Variants in CSMD1 observed in about 807,000 individuals in gnomAD.
CSMD1 encodes the protein CUB and Sushi multiple domains 1.
In CSMD1, 213 loss-of-function variants were observed where a neutral mutation model predicts 417.5. The observed-to-expected ratio is 0.51, with a 90% CI of 0.46 to 0.57. The LOEUF is 0.57. Among genes scored for constraint, CSMD1 ranks in the 20% least tolerant of loss-of-function variants. CSMD1 has a pLI of 0.00. For synonymous variants in CSMD1, 2,862 were observed against 1,736.8 expected (o/e 1.65, Z -16.11); for missense variants, 6,923 against 4,529.7 (o/e 1.53, Z -15.17).
intron 26 of CSMD1, among the ~76,000 whole-genome samples, chr8:3,259,768 C>A (rs1229627044): frequency 6.6e-6 from 1 of 152,122 alleles, no homozygotes; most frequent in Non-Finnish European, 1.5e-5. Context: ...AGTTGGCAAA[C>A]TGTATACTGG....
intron 3 of CSMD1, among the ~76,000 whole-genome samples, chr8:4,077,297 G>GTGTATA (rs1313094441): frequency 2.3e-4 from 28 of 121,278 alleles, no homozygotes; most frequent in Admixed American, 1.9e-3. Context: ...ATATATATGT[G>GTGTATA]TATATATATA....
At chr8:4,439,790 T>A (rs1294056142) in intron 2 of CSMD1, among the ~76,000 whole-genome samples, 1 of 152,164 alleles carries the variant, frequency 6.6e-6, no homozygotes, top group Non-Finnish European at 1.5e-5. Context: ...AAATAGTGAC[T>A]TTGAGAAGAG....
chr8:4,303,501 A>G (rs1481106067), intron 3 of CSMD1, among the ~76,000 whole-genome samples: 1 of 124,068 alleles, frequency 8.1e-6, no homozygotes, highest in Non-Finnish European at 1.6e-5. Flanking sequence ...TCTCCTTACC[A>G]TCTCTAGCAC....
intron 25 of CSMD1, among the ~76,000 whole-genome samples, chr8:3,307,074 G>T (rs1215671334): frequency 6.6e-6 from 1 of 152,084 alleles, no homozygotes; most frequent in Non-Finnish European, 1.5e-5. Flanking sequence ...CTGCACACAA[G>T]TCTTTTTAAA....
chr8:4,023,765 T>G (rs1257956555), intron 4 of CSMD1, among the ~76,000 whole-genome samples: 1 of 110,802 alleles, frequency 9.0e-6, no homozygotes, highest in Non-Finnish European at 1.9e-5. Context: ...TTTTTTTTTT[T>G]TTTTTTTTTT....
At chr8:4,525,274 A>C (rs1796456785) in intron 2 of CSMD1, among the ~76,000 whole-genome samples, 1 of 152,168 alleles carries the variant, frequency 6.6e-6, no homozygotes, top group Non-Finnish European at 1.5e-5. Context: ...AGGAAAGACA[A>C]CACTCTGTAG....
At chr8:4,160,391 A>G (rs1340084017) in intron 3 of CSMD1, among the ~76,000 whole-genome samples, 2 of 152,202 alleles carry the variant, frequency 1.3e-5, no homozygotes, top group Non-Finnish European at 2.9e-5. Context: ...TGTTATGTTG[A>G]CATATATATA....
intron 2 of CSMD1, among the ~76,000 whole-genome samples, chr8:4,444,866 C>A (rs1204832591): frequency 6.6e-6 from 1 of 152,214 alleles, no homozygotes; most frequent in Admixed American, 6.5e-5. Flanking sequence ...ACTCCTGCTG[C>A]AGCCAAGGTA....
At chr8:4,002,146 C>T (rs753586489) in intron 4 of CSMD1, among the ~76,000 whole-genome samples, 5 of 152,012 alleles carry the variant, frequency 3.3e-5, no homozygotes, top group Non-Finnish European at 5.9e-5. Context: ...GGATAAAATG[C>T]TTAAATCACA....
At chr8:4,126,634 C>G (rs17069054) in intron 3 of CSMD1, among the ~76,000 whole-genome samples, 6,497 of 152,178 alleles carry the variant, frequency 0.043, 462 homozygotes, top group African/African-American at 0.15. Context: ...TTGAGGCTTT[C>G]TGTATTTGGT....
chr8:3,378,921 A>C (rs1018677199), intron 18 of CSMD1, among the ~76,000 whole-genome samples: 15 of 152,342 alleles, frequency 9.8e-5, no homozygotes, highest in Non-Finnish European at 1.9e-4. Context: ...AGAAAGAAAG[A>C]AAACGCATTC....
At chr8:4,399,002 T>C (rs1229782609) in intron 3 of CSMD1, among the ~76,000 whole-genome samples, 1 of 152,232 alleles carries the variant, frequency 6.6e-6, no homozygotes, top group Non-Finnish European at 1.5e-5. Flanking sequence ...ACTGAGCACC[T>C]AATATGTACA....
intron 17 of CSMD1, among the ~76,000 whole-genome samples, chr8:3,395,049 G>A (rs887420162): frequency 6.6e-6 from 1 of 152,256 alleles, no homozygotes; most frequent in East Asian, 1.9e-4. Context: ...TGCTGGAGTG[G>A]GGCTCAGGGA....
chr8:3,299,161 A>G (rs1298706090), intron 25 of CSMD1, among the ~76,000 whole-genome samples: 2 of 152,206 alleles, frequency 1.3e-5, no homozygotes, highest in Non-Finnish European at 2.9e-5. Flanking sequence ...GTTAAAAAAA[A>G]TGGAGTGAAG....
intron 16 of CSMD1, among the ~76,000 whole-genome samples, chr8:3,398,796 C>T (rs1811856294): frequency 1.3e-5 from 2 of 152,154 alleles, no homozygotes; most frequent in South Asian, 4.1e-4. Flanking sequence ...ACTCCAATAG[C>T]CTGCTTATTT....
Position 3,474,798 on chromosome 8 carries a change from C to G in CSMD1, c.1449-5974G>C, listed in dbSNP as rs572683999. On this transcript the variant is annotated intron_variant, in intron 11 of 69. Transcript: ENST00000635120. Reference sequence around the variant, plus strand: ...ACACAACTAGTCTTGCTTTCTTTAACACAGCTCAATTTTTCCCCAAGTTGA... The same window carrying G: ...ACACAACTAGTCTTGCTTTCTTTAAGACAGCTCAATTTTTCCCCAAGTTGA... Among the ~76,000 whole-genome samples, 5 of 152,262 alleles carry G rather than the reference C, an allele frequency of 3.3e-5. No homozygotes were observed. In the East Asian group the frequency reaches 9.7e-4, roughly 29 times the overall value.
rs573211710 is a variant in CSMD1, at chr8:4,705,998, T to A, written c.86-68440A>T. On this transcript the variant is annotated intron_variant, in intron 1 of 69. Coordinates refer to ENST00000635120, the MANE Select transcript of CSMD1 (RefSeq NM_033225.6). ...TAGGATGACCTTTATGAACTGTAATTTTTTTCAATATTTTAAAAATAAACA... is the reference window on the plus strand; with the variant it reads ...TAGGATGACCTTTATGAACTGTAATATTTTTCAATATTTTAAAAATAAACA... 5.3e-5 allele frequency among the ~76,000 whole-genome samples: 8 copies of A among 151,688 alleles called. No homozygotes were observed. The South Asian group carries it at 1.5e-3, about 28-fold the overall frequency.
intron 3 of CSMD1, among the ~76,000 whole-genome samples, chr8:4,258,330 G>C (rs1232638040): frequency 1.2e-5 from 1 of 83,744 alleles, no homozygotes; most frequent in Non-Finnish European, 2.3e-5. Context: ...GGGAGAAAGA[G>C]AGGGAGGGAG....
chr8:3,264,770 A>C (rs986939357), intron 26 of CSMD1, among the ~76,000 whole-genome samples: 9 of 152,140 alleles, frequency 5.9e-5, no homozygotes, highest in Non-Finnish European at 1.3e-4. Context: ...ATAGCTAGTA[A>C]AGATGAGGCT....
Sources: allele counts gnomAD v4.1 joint callset (sites outside exome capture counted in the v4.1 genomes callset), GRCh38; gene constraint gnomAD v4.1.1; transcripts MANE v1.5; gene names NCBI Gene and HGNC (gene_info 2026-07-23, HGNC 2026-07-21).